CLSTN2: variants seen among roughly 807,000 people sequenced by gnomAD.
CLSTN2 encodes calsyntenin 2.
Under a neutral mutation model 101.2 loss-of-function variants are expected in CLSTN2, and 48 were observed. The observed-to-expected ratio is 0.47, with a 90% CI of 0.38 to 0.60. CLSTN2 has a LOEUF of 0.60. CLSTN2 is among the 20% of genes least tolerant of loss of function. CLSTN2 has a pLI of 0.00. For missense variants in CLSTN2, 1,160 were observed against 1,238.2 expected (o/e 0.94, Z 0.95); for synonymous variants, 481 against 463.6 (o/e 1.04, Z -0.48).
chr3:140,251,055 G>A (rs1002426501), intron 2 of CLSTN2, among the ~76,000 whole-genome samples: 2 of 152,150 alleles, frequency 1.3e-5, no homozygotes, highest in Non-Finnish European at 2.9e-5. Flanking sequence ...TATGTTGGCC[G>A]CCCACATGTG....
chr3:140,289,833 C>T (rs1029942356), intron 2 of CLSTN2, among the ~76,000 whole-genome samples: 1 of 151,726 alleles, frequency 6.6e-6, no homozygotes, highest in African/African-American at 2.4e-5. Flanking sequence ...TCCTAAATAT[C>T]AGACAAGGTT....
intron 1 of CLSTN2, among the ~76,000 whole-genome samples, chr3:140,147,632 G>C (rs76347219): frequency 0.019 from 2,895 of 152,050 alleles, 222 homozygotes; most frequent in Admixed American, 0.14. Flanking sequence ...AGGGTGGTGG[G>C]GTAGATCTAA....
At chr3:139,938,337 T>C (rs888327378) in intron 1 of CLSTN2, among the ~76,000 whole-genome samples, 3 of 152,206 alleles carry the variant, frequency 2.0e-5, no homozygotes, top group Non-Finnish European at 2.9e-5. Context: ...TAAGATGTTG[T>C]GTCTGTGGTG....
chr3:140,111,238 G>T (rs1454026743), intron 1 of CLSTN2, among the ~76,000 whole-genome samples: 2 of 151,850 alleles, frequency 1.3e-5, no homozygotes, highest in Admixed American at 6.6e-5. Flanking sequence ...CTCCTTTCTC[G>T]CTCCATGCCT....
intron 1 of CLSTN2, among the ~76,000 whole-genome samples, chr3:140,122,007 T>G (rs2009348848): frequency 6.6e-6 from 1 of 152,190 alleles, no homozygotes; most frequent in African/African-American, 2.4e-5. Context: ...GTAATAGCTT[T>G]AGGGGGAGTG....
chr3:140,433,877 G>T (rs1022441997), intron 5 of CLSTN2, among the ~76,000 whole-genome samples: 17 of 152,128 alleles, frequency 1.1e-4, no homozygotes, highest in Admixed American at 2.6e-4. Context: ...CCTTAGGCAG[G>T]TCATTTGATA....
intron 2 of CLSTN2, among the ~76,000 whole-genome samples, chr3:140,257,926 A>T (rs1326083341): frequency 6.6e-6 from 1 of 152,152 alleles, no homozygotes; most frequent in Non-Finnish European, 1.5e-5. Context: ...AAGGCTCTTC[A>T]CATATATTCT....
At chr3:140,505,400 T>A (rs750041753) in intron 8 of CLSTN2, among the ~76,000 whole-genome samples, 1 of 152,102 alleles carries the variant, frequency 6.6e-6, no homozygotes, top group Non-Finnish European at 1.5e-5. Flanking sequence ...CACAGAGCAA[T>A]CAGATACACA....
intron 2 of CLSTN2, among the ~76,000 whole-genome samples, chr3:140,285,357 C>G (rs1244682043): frequency 6.6e-6 from 1 of 152,116 alleles, no homozygotes; most frequent in Non-Finnish European, 1.5e-5. Flanking sequence ...TATCAATTAT[C>G]TACTGGCAGC....
chr3:139,946,809 C>A (rs1430731381), intron 1 of CLSTN2, among the ~76,000 whole-genome samples: 1 of 152,202 alleles, frequency 6.6e-6, no homozygotes, highest in Admixed American at 6.5e-5. Flanking sequence ...TTTTATGAGG[C>A]CATGCCTCTT....
At chr3:140,502,853 C>G (rs906175550) in intron 8 of CLSTN2, among the ~76,000 whole-genome samples, 1 of 152,126 alleles carries the variant, frequency 6.6e-6, no homozygotes, top group South Asian at 2.1e-4. Flanking sequence ...CTATTGCAAC[C>G]ATATAATATA....
chr3:140,226,679 G>A (rs2107856767), intron 2 of CLSTN2, among the ~76,000 whole-genome samples: 1 of 152,278 alleles, frequency 6.6e-6, no homozygotes, highest in East Asian at 1.9e-4. Context: ...TGGTGTATTA[G>A]TCCATTTTCA....
intron 2 of CLSTN2, among the ~76,000 whole-genome samples, chr3:140,303,560 A>G (rs1287527898): frequency 6.6e-6 from 1 of 152,130 alleles, no homozygotes; most frequent in Non-Finnish European, 1.5e-5. Context: ...AGAGGTCTCT[A>G]CAGTTTACAA....
intron 1 of CLSTN2, among the ~76,000 whole-genome samples, chr3:139,952,093 G>A (rs1202898536): frequency 6.6e-6 from 1 of 152,164 alleles, no homozygotes. Flanking sequence ...ATGGGGAATG[G>A]TATAGCCCCT....
chr3:140,531,707 G>C (rs1935258443), intron 8 of CLSTN2, among the ~76,000 whole-genome samples: 1 of 152,100 alleles, frequency 6.6e-6, no homozygotes, highest in Admixed American at 6.5e-5. Context: ...TGCCCATCTT[G>C]GTTTCTATCT....
rs139860767 is a variant in CLSTN2 at position 140,562,874 on chromosome 3, C to T, written c.2276C>T (p.Pro759Leu). 112 of 1,613,992 alleles carry T rather than the reference C, an allele frequency of 6.9e-5. No individual in the cohort carries two copies. The highest frequency in any genetic ancestry group is 8.4e-5 in the Non-Finnish European group (99 of 1,180,010). ...LHHIRYRNWRPASLEARRFRI... is the reference protein window; with the variant it reads ...LHHIRYRNWRLASLEARRFRI... Reference sequence around the variant, plus strand: ...CACATCCGCTACCGCAACTGGCGTCCGGCTTCCCTTGAGGCCCGGCGTTTC... The same window carrying T: ...CACATCCGCTACCGCAACTGGCGTCTGGCTTCCCTTGAGGCCCGGCGTTTC... Residue 759 changes from proline to leucine, a missense_variant, in exon 14 of 17, where the codon CCG becomes CTG. Coordinates refer to ENST00000458420, the MANE Select transcript of CLSTN2 (RefSeq NM_022131.3).
Position 140,403,833 on chromosome 3 carries a change from C to T in CLSTN2, c.428+9C>T. ...TGGAAAAAGTCACACAAGTGAGTGGCCTGACAGAGCCCTCTGGACGCCCCT... is the reference window on the plus strand; with the variant it reads ...TGGAAAAAGTCACACAAGTGAGTGGTCTGACAGAGCCCTCTGGACGCCCCT... On this transcript the variant is annotated intron_variant, in intron 3 of 16. Coordinates refer to ENST00000458420, the MANE Select transcript of CLSTN2 (RefSeq NM_022131.3). The T allele has an allele frequency of 6.2e-7, 1 of 1,600,854 alleles. No homozygotes were observed. The highest frequency in any genetic ancestry group is 8.5e-7 in the Non-Finnish European group (1 of 1,172,036).
chr3:140,026,544 T>C (rs1323832554), intron 1 of CLSTN2, among the ~76,000 whole-genome samples: 4 of 152,200 alleles, frequency 2.6e-5, no homozygotes, highest in African/African-American at 9.7e-5. Flanking sequence ...AGAAACTGGA[T>C]TGCTACTTGT....
intron 5 of CLSTN2, among the ~76,000 whole-genome samples, chr3:140,436,243 T>C (rs954857675): frequency 1.3e-5 from 2 of 152,228 alleles, no homozygotes; most frequent in African/African-American, 2.4e-5. Context: ...GTTTAATTCA[T>C]TGTGATTTGA....
Sources: gnomAD v4.1 joint callset for allele counts (sites outside exome capture counted in the v4.1 genomes callset) on GRCh38, gnomAD v4.1.1 for gene constraint, MANE v1.5 for transcripts, NCBI Gene and HGNC (gene_info 2026-07-23, HGNC 2026-07-21) for gene names.